Variants in RARB observed in about 807,000 individuals in gnomAD.
RARB encodes the protein retinoic acid receptor beta.
A neutral mutation model predicts 51.9 loss-of-function variants in RARB; 17 were observed. The observed-to-expected ratio is 0.33, with a 90% CI of 0.22 to 0.49. The LOEUF is 0.49. RARB is among the 20% of genes least tolerant of loss of function. The pLI is 0.99. For synonymous variants in RARB, 215 were observed against 195.4 expected (o/e 1.10, Z -0.84); for missense variants, 369 against 550.8 (o/e 0.67, Z 3.30).
chr3:24,992,690 T>TC (rs146701590), intron 2 of RARB, among the ~76,000 whole-genome samples: 3,287 of 152,188 alleles, frequency 0.022, 86 homozygotes, highest in East Asian at 0.12. Flanking sequence ...GATGGCCATC[T>TC]CCCCCCGTGT....
At chr3:25,214,939 T>C (rs1484424129) in intron 5 of RARB, among the ~76,000 whole-genome samples, 1 of 152,150 alleles carries the variant, frequency 6.6e-6, no homozygotes, top group African/African-American at 2.4e-5. Context: ...TGAGGGTGCA[T>C]GTGAACCATA....
chr3:25,467,739 A>G (rs115668403), intron 2 of RARB, among the ~76,000 whole-genome samples: 2,655 of 152,324 alleles, frequency 0.017, 67 homozygotes, highest in African/African-American at 0.058. Context: ...GTCTTCTATT[A>G]TTCCCTAGTT....
At chr3:25,339,094 A>G (rs1354791957) in intron 5 of RARB, among the ~76,000 whole-genome samples, 1 of 152,228 alleles carries the variant, frequency 6.6e-6, no homozygotes, top group Non-Finnish European at 1.5e-5. Context: ...CTTAACAGAA[A>G]TGGAAGTCAC....
intron 5 of RARB, among the ~76,000 whole-genome samples, chr3:25,408,976 G>A (rs749592724): frequency 1.6e-4 from 25 of 152,316 alleles, no homozygotes; most frequent in Admixed American, 5.2e-4. Context: ...GGAGGTTGCA[G>A]TGAGCCGAGA....
chr3:25,157,380 G>GTATA (rs1553638369), intron 4 of RARB, among the ~76,000 whole-genome samples: 7,014 of 146,656 alleles, frequency 0.048, 208 homozygotes, highest in East Asian at 0.11. Context: ...GTGTGTGTGT[G>GTATA]TATATATATG....
intron 3 of RARB, among the ~76,000 whole-genome samples, chr3:25,075,541 C>G (rs1195012272): frequency 6.6e-6 from 1 of 152,086 alleles, no homozygotes; most frequent in Non-Finnish European, 1.5e-5. Context: ...CCCGCTTTCT[C>G]TAGCCATTGC....
At chr3:25,202,077 G>C (rs978297786) in intron 5 of RARB, among the ~76,000 whole-genome samples, 5 of 152,066 alleles carry the variant, frequency 3.3e-5, no homozygotes, top group Non-Finnish European at 7.4e-5. Flanking sequence ...ACTTTTTTTG[G>C]TTGGTAAGCT....
intron 5 of RARB, among the ~76,000 whole-genome samples, chr3:25,224,612 G>A (rs1484315120): frequency 6.6e-5 from 10 of 151,970 alleles, no homozygotes; most frequent in Non-Finnish European, 1.5e-4. Flanking sequence ...GATTAATTTT[G>A]CCTATTATTA....
intron 2 of RARB, among the ~76,000 whole-genome samples, chr3:24,985,351 T>G (rs1359236904): frequency 2.1e-5 from 2 of 96,390 alleles, no homozygotes; most frequent in East Asian, 2.3e-4. Flanking sequence ...GTTTTTTTGT[T>G]TTTTTTTTTT....
intron 2 of RARB, among the ~76,000 whole-genome samples, chr3:25,052,353 C>A (rs1698349589): frequency 6.6e-6 from 1 of 152,098 alleles, no homozygotes; most frequent in African/African-American, 2.4e-5. Context: ...TTTTGAGATA[C>A]AGAGAAGTAC....
intron 2 of RARB, among the ~76,000 whole-genome samples, chr3:24,905,307 C>T (rs958267923): frequency 2.0e-5 from 3 of 152,138 alleles, no homozygotes; most frequent in Admixed American, 6.5e-5. Flanking sequence ...GTTATCTAAA[C>T]AAATCCAATT....
At position 24,954,327 on chromosome 3, in the gene RARB, G is replaced by C. The variant is rs1559409923; in HGVS notation, c.-380+95575G>C. ...GTGGATAATAGGAAAGGACTTTGTA[G>C]AATTAGTGGGTAAGAATGGGGGCTG... is the stretch of plus-strand genomic sequence containing the variant. On this transcript the variant is annotated intron_variant, in intron 2 of 11. Coordinates refer to the RARB transcript ENST00000383772. Among the ~76,000 whole-genome samples the C allele has an allele frequency of 3.3e-5, 5 of 152,166 alleles. No homozygotes were observed. In the South Asian group the frequency reaches 8.3e-4, roughly 25 times the overall value.
chr3:25,440,774 C>A (rs1008900526), intron 1 of RARB, among the ~76,000 whole-genome samples: 2 of 151,448 alleles, frequency 1.3e-5, no homozygotes, highest in Non-Finnish European at 2.9e-5. Flanking sequence ...CACCGTCCCC[C>A]CCAAAAATAA....
At chr3:25,529,964 C>A (rs1260273215) in intron 3 of RARB, among the ~76,000 whole-genome samples, 1 of 152,150 alleles carries the variant, frequency 6.6e-6, no homozygotes, top group Non-Finnish European at 1.5e-5. Flanking sequence ...GTTTATGTGG[C>A]CTGTGTTGCC....
intron 5 of RARB, among the ~76,000 whole-genome samples, chr3:25,384,054 GA>G (rs1220341585): frequency 6.6e-6 from 1 of 152,014 alleles, no homozygotes; most frequent in African/African-American, 2.4e-5. Flanking sequence ...TTTGGAAGAA[GA>G]AAAAAACAGA....
At chr3:25,357,569 G>T (rs201568362) in intron 5 of RARB, among the ~76,000 whole-genome samples, 5 of 152,128 alleles carry the variant, frequency 3.3e-5, no homozygotes, top group Non-Finnish European at 7.4e-5. Flanking sequence ...TGGTGTTTTA[G>T]TCATGAAGTA....
chr3:25,437,431 G>T lies in RARB; in HGVS notation c.157+8543G>T, dbSNP rs190969007. ...GTGCCATTCAGCAAATGGCTCTTGG[G>T]TGTCTGCCATGTGCCAGGCTCCTTG... On this transcript the variant is annotated intron_variant, in intron 1 of 7. Coordinates refer to ENST00000330688, the MANE Select transcript of RARB (RefSeq NM_000965.5). Among the ~76,000 whole-genome samples, 49 of 152,264 alleles carry T rather than the reference G, an allele frequency of 3.2e-4. No homozygotes were observed. The East Asian group carries it at 6.4e-3, about 20-fold the overall frequency.
chr3:25,191,435 G>A (rs1307480785), intron 5 of RARB, among the ~76,000 whole-genome samples: 1 of 152,116 alleles, frequency 6.6e-6, no homozygotes, highest in African/African-American at 2.4e-5. Context: ...CCCGTGCTAA[G>A]AGCAAGTGCC....
intron 5 of RARB, among the ~76,000 whole-genome samples, chr3:25,419,954 A>G (rs1425059218): frequency 6.6e-6 from 1 of 151,674 alleles, no homozygotes; most frequent in Non-Finnish European, 1.5e-5. Context: ...CCACCATGAT[A>G]TCTTCTCTAA....
Sources: gnomAD v4.1 joint callset for allele counts (sites outside exome capture counted in the v4.1 genomes callset) on GRCh38, gnomAD v4.1.1 for gene constraint, MANE v1.5 for transcripts, NCBI Gene and HGNC (gene_info 2026-07-23, HGNC 2026-07-21) for gene names.